Variants in EXOC3L4 observed in about 807,000 individuals in gnomAD.
The protein encoded by EXOC3L4 is exocyst complex component 3 like 4.
EXOC3L4 carries 62 observed loss-of-function variants against 69.7 expected under a neutral mutation model. The observed-to-expected ratio is 0.89, with a 90% CI of 0.72 to 1.10. The LOEUF (loss-of-function observed/expected upper bound fraction) is 1.10, where lower values mean the gene tolerates loss of function less well. EXOC3L4 is among the 50% of genes least tolerant of loss of function. EXOC3L4 has a pLI of 0.00. For missense variants in EXOC3L4, 1,087 were observed against 1,034.8 expected (o/e 1.05, Z -0.69); for synonymous variants, 502 against 464.2 (o/e 1.08, Z -1.05).
chr14:103,098,199 C>G (rs558922661), intron 1 of EXOC3L4, among the ~76,000 whole-genome samples: 8 of 152,280 alleles, frequency 5.3e-5, no homozygotes, highest in African/African-American at 1.9e-4. Context: ...ATTCACCGCA[C>G]AGCTGCCCCT....
chr14:103,107,811 G>T (rs1210304898), intron 10 of EXOC3L4, 28 bp downstream of exon 10: 12 of 1,484,062 alleles, frequency 8.1e-6, no homozygotes, highest in Non-Finnish European at 1.1e-5. Context: ...GCCCTTCGGT[G>T]CTCGCCTCTG....
In EXOC3L4 at chr14:103,105,147, G is replaced by T. The variant is rs530354159; in HGVS notation, c.1466+75G>T. 2.8e-5 allele frequency: 41 copies of T among 1,475,776 alleles called. No homozygotes were observed. In the Admixed American group the frequency reaches 6.7e-4, roughly 24 times the overall value. 91.4% of individuals were successfully genotyped at this position (1,475,776 alleles called of 1,614,324 possible). On this transcript the variant is annotated intron_variant, in intron 7 of 11. Coordinates refer to ENST00000688303, the MANE Select transcript of EXOC3L4 (RefSeq NM_001077594.2). Reference sequence around the variant, plus strand: ...CGCGAGCGCCGGGAACCTGGATGGAGGGGAGTGCGCGCGCGTGGAGGGGGC... The same window carrying T: ...CGCGAGCGCCGGGAACCTGGATGGATGGGAGTGCGCGCGCGTGGAGGGGGC...
At chr14:103,105,205 T>A in intron 7 of EXOC3L4, 133 bp downstream of exon 7, 1 of 875,862 alleles carries the variant, frequency 1.1e-6, no homozygotes, top group Non-Finnish European at 1.7e-6. Flanking sequence ...TGTTTGTGTC[T>A]GTGTGTTGGT....
intron 2 of EXOC3L4, among the ~76,000 whole-genome samples, chr14:103,101,170 G>T (rs1309848121): frequency 6.6e-6 from 1 of 152,058 alleles, no homozygotes; most frequent in Non-Finnish European, 1.5e-5. Context: ...CTCCCAAAGT[G>T]CTGGGATTAC....
At chr14:103,106,204 A>G (rs1453194305) in intron 7 of EXOC3L4, among the ~76,000 whole-genome samples, 1 of 152,234 alleles carries the variant, frequency 6.6e-6, no homozygotes, top group East Asian at 1.9e-4. Flanking sequence ...TGGGACTTGA[A>G]CTAGGCCTGC....
In EXOC3L4 at chr14:103,104,787, AG is replaced by A. The variant is rs1258468607; in HGVS notation, c.1336del (p.Ala446ProfsTer28). On this transcript the variant is annotated frameshift_variant, in exon 6 of 12. Transcript: ENST00000688303. LOFTEE classifies it high-confidence loss of function. ...KAAGAISAELEATTLRICTRA... is the reference protein window; with the variant it reads ...KAAGAISAELXATTLRICTRA... ...GCCGGCGCCATCTCCGCGGAGCTGG[AG>A]GCCACCACCCTGCGAATCTGCACGC... is the stretch of plus-strand genomic sequence containing the variant. 1.3e-6 allele frequency: 2 copies of A among 1,525,838 alleles called. No individual in the cohort carries two copies. Among genetic ancestry groups the A allele is most frequent in the Admixed American group, 4.2e-5 (2 of 48,124 alleles). 94.5% of individuals were successfully genotyped at this position (1,525,838 alleles called of 1,614,324 possible).
Position 103,100,332 on chromosome 14 carries a change from C to T in EXOC3L4, c.113C>T (p.Pro38Leu), listed in dbSNP as rs1241681151. ...CGGCGAACAAGCAGCAGGAAAGAGC[C>T]CAATGCCCACCGCAAGGATGGCACA... The part of the protein sequence containing the change: ...GSRRTSSRKE[P>L]NAHRKDGTRL... The change falls in exon 2 of 12, where the codon CCC becomes CTC. Residue 38 changes from proline (P) to leucine (L), a missense_variant. By Grantham distance (98) the Pro-to-Leu change is moderately conservative. Coordinates refer to ENST00000688303, the MANE Select transcript of EXOC3L4 (RefSeq NM_001077594.2). The T allele has an allele frequency of 1.3e-5, 20 of 1,595,092 alleles. No homozygotes were observed. The highest frequency in any genetic ancestry group is 1.7e-5 in the Non-Finnish European group (20 of 1,170,168).
chr14:103,104,401 G>A lies in EXOC3L4; in HGVS notation c.1284+12G>A. On this transcript the variant is annotated intron_variant, in intron 5 of 11. Transcript: ENST00000688303. Reference sequence around the variant, plus strand: ...TGGACGTCCATATGGTGCGGCCCGGGAGCAGGGGCTGAGAAGGGGCGTCTG... The same window carrying A: ...TGGACGTCCATATGGTGCGGCCCGGAAGCAGGGGCTGAGAAGGGGCGTCTG... 2 of 1,547,276 alleles carry A rather than the reference G, an allele frequency of 1.3e-6. No individual in the cohort carries two copies. The highest frequency in any genetic ancestry group is 1.4e-5 in the African/African-American group (1 of 71,324).
chr14:103,103,805 T>G, intron 3 of EXOC3L4, 136 bp from the exon 4 acceptor site: 2 of 572,138 alleles, frequency 3.5e-6, no homozygotes, highest in Non-Finnish European at 6.1e-6. Flanking sequence ...CGCGTGTGTG[T>G]GTGTGTGTGT....
intron 2 of EXOC3L4, among the ~76,000 whole-genome samples, chr14:103,101,864 G>A (rs1890203834): frequency 6.6e-6 from 1 of 152,254 alleles, no homozygotes; most frequent in Admixed American, 6.5e-5. Context: ...CAGGCGGAAG[G>A]TAGGGGTTGA....
chr14:103,106,574 G>A (rs1056982888), intron 7 of EXOC3L4, among the ~76,000 whole-genome samples: 3 of 152,156 alleles, frequency 2.0e-5, no homozygotes, highest in Admixed American at 6.5e-5. Flanking sequence ...AGAGGGGAAC[G>A]GGTCAGCCAC....
At position 103,109,174 on chromosome 14, in the gene EXOC3L4, G is replaced by T. The variant is rs573043661; in HGVS notation, c.1976+657G>T. Among the ~76,000 whole-genome samples the T allele has an allele frequency of 8.1e-3, 405 of 49,878 alleles. 26 individuals are homozygous for T. The highest frequency in any genetic ancestry group is 0.037 in the African/African-American group (379 of 10,222). 32.7% of individuals were successfully genotyped at this position (49,878 alleles called of 152,430 possible). ...CCTCCCTCTCCACCACCTGTCCCCCGGTCTCCCTCTCTCCCTCGCCACCCT... is the reference window on the plus strand; with the variant it reads ...CCTCCCTCTCCACCACCTGTCCCCCTGTCTCCCTCTCTCCCTCGCCACCCT... On this transcript the variant is annotated intron_variant, in intron 11 of 11. Transcript: ENST00000688303.
At chr14:103,103,498 T>C (rs1181129124) in intron 3 of EXOC3L4, 1 of 162,578 alleles carries the variant, frequency 6.2e-6, no homozygotes, top group Non-Finnish European at 1.3e-5. Flanking sequence ...ATGGATTGCC[T>C]TCCCCGCGGA....
chr14:103,100,575 C>G lies in EXOC3L4; in HGVS notation c.356C>G (p.Ser119Cys). The G allele has an allele frequency of 1.2e-6, 2 of 1,608,830 alleles. No individual in the cohort carries two copies. The highest frequency in any genetic ancestry group is 1.7e-6 in the Non-Finnish European group (2 of 1,176,474). Residue 119 changes from serine to cysteine, a missense_variant, in exon 2 of 12, where the codon TCC (serine) becomes TGC (cysteine). Ser to Cys is a moderately radical substitution (Grantham distance 112). Transcript: ENST00000688303. ...ATGAATGGTGTCAGCCAGCAGGCAT[C>G]CACTGGGGCAGCGTCTGAGGAACTG... is the stretch of plus-strand genomic sequence containing the variant. The part of the protein sequence containing the change: ...GVMNGVSQQA[S>C]TGAASEELKP...
At position 103,107,481 on chromosome 14, in the gene EXOC3L4, C is replaced by G. The variant is rs769674896; in HGVS notation, c.1639C>G (p.Leu547Val). The G allele has an allele frequency of 6.2e-7, 1 of 1,613,892 alleles. No homozygotes were observed. The highest frequency in any genetic ancestry group is 8.5e-7 in the Non-Finnish European group (1 of 1,180,028). The change falls in exon 9 of 12, where the codon CTC (leucine) becomes GTC (valine). Residue 547 changes from leucine (L) to valine (V), a missense_variant. Coordinates refer to ENST00000688303, the MANE Select transcript of EXOC3L4 (RefSeq NM_001077594.2). ...DWLTQDWLHP[L>V]MDKVVTFAGH... ...GCTGACGCAGGACTGGCTGCATCCC[C>G]TCATGGACAAGGTGGTGACCTTCGC...
At chr14:103,100,109 G>C in intron 1 of EXOC3L4, 95 bp from the exon 2 acceptor site, 1 of 1,339,524 alleles carries the variant, frequency 7.5e-7, no homozygotes, top group Non-Finnish European at 9.9e-7. Flanking sequence ...CCTCTGGAGA[G>C]CCTTCCTTGA....
rs1489375141 is a variant in EXOC3L4 at position 103,097,223 on chromosome 14, T to C, written c.-17+2383T>C. Among the ~76,000 whole-genome samples, 1 of 151,966 alleles carries C rather than the reference T, an allele frequency of 6.6e-6. No homozygotes were observed. The highest frequency in any genetic ancestry group is 2.4e-5 in the African/African-American group (1 of 41,364). On this transcript the variant is annotated intron_variant, in intron 1 of 11. Transcript: ENST00000688303. The surrounding 1 kb of genome is among the most constrained non-coding windows in gnomAD (Gnocchi z 4.9). The stretch of plus-strand genomic sequence containing the variant: ...TCTCAGTGACTGTGTCTCTGGGTGG[T>C]TTCTTGCCCCTGCTGCTGGCCCCAC...
Position 103,104,051 on chromosome 14 carries a change from A to AGGTCAGGCCGGGCG in EXOC3L4, c.1161+8_1161+21dup. 5 of 1,563,800 alleles carry AGGTCAGGCCGGGCG rather than the reference A, an allele frequency of 3.2e-6. No homozygotes were observed. Among genetic ancestry groups the AGGTCAGGCCGGGCG allele is most frequent in the Non-Finnish European group, 3.5e-6 (4 of 1,158,794 alleles). On this transcript the variant is annotated frameshift_variant and splice_region_variant, in exon 4 of 12. Coordinates refer to ENST00000688303, the MANE Select transcript of EXOC3L4 (RefSeq NM_001077594.2). LOFTEE classifies it high-confidence loss of function. The stretch of plus-strand genomic sequence containing the variant: ...GAGAGCGACTACACCAGCTTCCTGG[A>AGGTCAGGCCGGGCG]GGTCAGGCCGGGCGGGTCAGGCTGG...
intron 3 of EXOC3L4, chr14:103,103,618 G>A (rs1890346153): frequency 6.4e-6 from 2 of 312,146 alleles, no homozygotes; most frequent in African/African-American, 2.2e-5. Flanking sequence ...ACCCGTGTCC[G>A]CCCTGCTGTG....
Sources: allele counts gnomAD v4.1 joint callset (sites outside exome capture counted in the v4.1 genomes callset), GRCh38; gene constraint gnomAD v4.1.1; non-coding constraint Gnocchi (gnomAD v3.1); transcripts MANE v1.5; gene names NCBI Gene and HGNC (gene_info 2026-07-23, HGNC 2026-07-21).